Variants in FAT2 observed in about 807,000 individuals in gnomAD.
The protein encoded by FAT2 is FAT atypical cadherin 2, also known as protocadherin Fat 2.
In FAT2, 150 loss-of-function variants were observed where a neutral mutation model predicts 295.3. The observed-to-expected ratio is 0.51, with a 90% CI of 0.44 to 0.58. The LOEUF is 0.58. Ranked by LOEUF, FAT2 falls within the 20% of genes least tolerant of loss-of-function variation. The probability of loss-of-function intolerance (pLI) is 0.00; values close to 1 mark genes in which losing one functional copy is unlikely to be tolerated. For synonymous variants in FAT2, 2,026 were observed against 2,150.3 expected, an observed-to-expected ratio of 0.94 and a Z score of 1.60; for missense variants, 4,868 against 5,442.7, an observed-to-expected ratio of 0.89 and a Z score of 3.32.
intron 2 of FAT2, 90 bp downstream of exon 2, chr5:151,565,583 C>CCTTTTTCCTTCAGCCCGCAGGCTGACTT (rs1320802877): frequency 3.0e-6 from 4 of 1,325,242 alleles, no homozygotes; most frequent in Non-Finnish European, 4.1e-6. Flanking sequence ...CAGGCTGACT[C>CCTTTTTCCTTCAGCCCGCAGGCTGACTT]CTTTTTCCTT....
chr5:151,540,840 T>C (rs1756056692), intron 10 of FAT2, 77 bp from the exon 11 acceptor site: 3 of 1,316,636 alleles, frequency 2.3e-6, no homozygotes, highest in East Asian at 2.4e-5. Context: ...TGGCTGCCCA[T>C]TGGATGCATT....
At position 151,537,798 on chromosome 5, in the gene FAT2, T is replaced by C; in HGVS notation, c.9188A>G (p.His3063Arg). Residue 3063 changes from histidine (H) to arginine (R), a missense_variant, in exon 12 of 24, where the codon CAT becomes CGT. Around this residue, in one of 5 missense-constraint regions of FAT2, gnomAD observed 1,046 missense variants for 1,210.1 expected, o/e 0.86. Transcript: ENST00000261800. Reference protein sequence around the residue: ...PGAHEFKLDPHTGELTTLTAL... With the variant: ...PGAHEFKLDPRTGELTTLTAL... ...CTGCAGCTCAGGAAACCCACCTGTA[T>C]GAGGATCCAGCTTGAATTCATGCGC... 3 of 1,610,192 alleles carry C rather than the reference T, an allele frequency of 1.9e-6. No homozygotes were observed. The highest frequency in any genetic ancestry group is 1.1e-5 in the South Asian group (1 of 90,430).
At chr5:151,585,473 G>A (rs764673868) in intron 1 of FAT2, among the ~76,000 whole-genome samples, 15 of 152,218 alleles carry the variant, frequency 9.9e-5, no homozygotes, top group Non-Finnish European at 1.8e-4. Flanking sequence ...TTAGCTGGGC[G>A]TGGTGGCACA....
At chr5:151,517,844 T>A in intron 19 of FAT2, 79 bp from the exon 20 acceptor site, 1 of 1,533,298 alleles carries the variant, frequency 6.5e-7, no homozygotes. Flanking sequence ...TCTTATTTAA[T>A]CCTTGGGTGG....
In FAT2 at chr5:151,531,710, C is replaced by T. The variant is rs1300717825; in HGVS notation, c.9688G>A (p.Asp3230Asn). ...AGCACCTCCGTGCCAGGTGGGGCGT[C>T]CTCGGGCACCTGCACGCTGTGCTCG... ...NTEHSVQVPE[D>N]APPGTEVLQL... Residue 3230 changes from aspartate to asparagine, a missense_variant, in exon 14 of 24, where the codon GAC (aspartate) becomes AAC (asparagine). By Grantham distance (23) the Asp-to-Asn change is conservative. Transcript: ENST00000261800. This position sits in a 1 kb window ranked among gnomAD's most constrained non-coding sequence, Gnocchi z 5.7. The T allele has an allele frequency of 1.9e-6, 3 of 1,613,890 alleles. No individual in the cohort carries two copies. Among genetic ancestry groups the T allele is most frequent in the South Asian group, 2.2e-5 (2 of 91,060 alleles).
intron 10 of FAT2, 98 bp from the exon 11 acceptor site, chr5:151,540,861 G>T (rs536633487): frequency 7.8e-5 from 88 of 1,121,658 alleles, no homozygotes; most frequent in Non-Finnish European, 1.1e-4. Flanking sequence ...TTTTAGAATT[G>T]TTGGGAAAGC....
chr5:151,505,603 C>G lies in FAT2; in HGVS notation c.13012G>C (p.Glu4338Gln), dbSNP rs552666873. 5 of 1,614,218 alleles carry G rather than the reference C, an allele frequency of 3.1e-6. No homozygotes were observed. The Admixed American group carries it at 6.7e-5, about 22-fold the overall frequency. The change falls in exon 24 of 24, where the codon GAG becomes CAG. Residue 4338 changes from glutamate to glutamine, a missense_variant. Physicochemically the swap from Glu to Gln is conservative, Grantham distance 29 (BLOSUM62 2). Transcript: ENST00000261800. ...PPNYEGSDMV[E>Q]SDYGSCEEVM... ...TCCTCACAGCTGCCATAATCACTCTCCACCATGTCAGAGCCCTCATAGTTG... is the reference window on the plus strand; with the variant it reads ...TCCTCACAGCTGCCATAATCACTCTGCACCATGTCAGAGCCCTCATAGTTG...
In FAT2 at chr5:151,544,493, G is replaced by C. The variant is rs150074220; in HGVS notation, c.6634C>G (p.Pro2212Ala). 2 of 1,613,938 alleles carry C rather than the reference G, an allele frequency of 1.2e-6. No homozygotes were observed. The highest frequency in any genetic ancestry group is 1.7e-6 in the Non-Finnish European group (2 of 1,180,034). ...AAGTCAGTGGTGAACAGCATCAAGGGTTCTTCCTCCACAATGTTGTAGATG... is the reference window on the plus strand; with the variant it reads ...AAGTCAGTGGTGAACAGCATCAAGGCTTCTTCCTCCACAATGTTGTAGATG... Reference protein sequence around the residue: ...RLIYNIVEEEPLMLFTTDFKT... With the variant: ...RLIYNIVEEEALMLFTTDFKT... The change falls in exon 10 of 24, where the codon CCC (proline) becomes GCC (alanine). Residue 2212 changes from proline (P) to alanine (A), a missense_variant. By Grantham distance (27) the Pro-to-Ala change is conservative (BLOSUM62 -1). This residue lies in a region of FAT2 where 3,297 missense variants were observed against 3,669.4 expected (regional missense o/e 0.90). Transcript: ENST00000261800.
intron 4 of FAT2, among the ~76,000 whole-genome samples, chr5:151,554,885 G>A (rs548383384): frequency 6.6e-6 from 1 of 152,360 alleles, no homozygotes; most frequent in South Asian, 2.1e-4. Flanking sequence ...AGAACTGGAA[G>A]AAGACAGAGT....
Position 151,531,493 on chromosome 5 carries a change from G to A in FAT2, c.9811+94C>T, listed in dbSNP as rs937076121. 1.1e-5 allele frequency: 16 copies of A among 1,511,190 alleles called. No homozygotes were observed. The highest frequency in any genetic ancestry group is 2.3e-5 in the East Asian group (1 of 43,362). 93.6% of individuals were successfully genotyped at this position (1,511,190 alleles called of 1,614,324 possible). On this transcript the variant is annotated intron_variant, in intron 14 of 23. Coordinates refer to ENST00000261800, the MANE Select transcript of FAT2 (RefSeq NM_001447.3). This position sits in a 1 kb window ranked among gnomAD's most constrained non-coding sequence, Gnocchi z 5.7. Reference sequence around the variant, plus strand: ...CCAGAGGAGGTCTGCTCTGGGAGGCGCTGCACAGGGTAGATACCCACACAG... The same window carrying A: ...CCAGAGGAGGTCTGCTCTGGGAGGCACTGCACAGGGTAGATACCCACACAG...
chr5:151,512,468 C>A lies in FAT2; in HGVS notation c.11602G>T (p.Val3868Phe), dbSNP rs2127570758. The change falls in exon 21 of 24, where the codon GTT becomes TTT. Residue 3868 changes from valine (V) to phenylalanine (F), a missense_variant. Around this residue, in one of 5 missense-constraint regions of FAT2, gnomAD observed 1,046 missense variants for 1,210.1 expected, o/e 0.86. Transcript: ENST00000261800. The surrounding 1 kb of genome is among the most constrained non-coding windows in gnomAD (Gnocchi z 4.1). ...EEMDASIRLM[V>F]DSMGNTSLVV... ...AGGGAGGTGTTGCCCATGCTGTCAACCATCAGGCGAATGGAAGCGTCCATC... is the reference window on the plus strand; with the variant it reads ...AGGGAGGTGTTGCCCATGCTGTCAAACATCAGGCGAATGGAAGCGTCCATC... 1.2e-6 allele frequency: 2 copies of A among 1,614,212 alleles called. No individual in the cohort carries two copies.
In FAT2 at chr5:151,542,514, A is replaced by G. The variant is rs757867012; in HGVS notation, c.8613T>C (p.Tyr2871=). The G allele has an allele frequency of 2.3e-5, 37 of 1,614,156 alleles. No individual in the cohort carries two copies. In the South Asian group the frequency reaches 3.5e-4, roughly 15 times the overall value. ...GGTCATAGGCCACCACATGAAAATGATAAGTCTGGCAGGTCTCACAGTCAA... is the reference window on the plus strand; with the variant it reads ...GGTCATAGGCCACCACATGAAAATGGTAAGTCTGGCAGGTCTCACAGTCAA... ...QELDCETCQT[Y]HFHVVAYDHG... The change falls in exon 10 of 24, where the codon TAT becomes TAC. Residue 2871 remains tyrosine (Y), a synonymous_variant. Coordinates refer to ENST00000261800, the MANE Select transcript of FAT2 (RefSeq NM_001447.3).
At position 151,531,456 on chromosome 5, in the gene FAT2, A is replaced by T; in HGVS notation, c.9811+131T>A. On this transcript the variant is annotated intron_variant, in intron 14 of 23. Transcript: ENST00000261800. The surrounding 1 kb of genome is among the most constrained non-coding windows in gnomAD (Gnocchi z 5.7). ...GGTACTCGGAGAGAAGCAGAAGAGA[A>T]TGGAGAAACGACCAGAGGAGGTCTG... is the stretch of plus-strand genomic sequence containing the variant. The T allele has an allele frequency of 1.6e-6, 2 of 1,249,628 alleles. No homozygotes were observed. The highest frequency in any genetic ancestry group is 2.2e-6 in the Non-Finnish European group (2 of 908,576). The allele number at this position is 1,249,628 out of a possible 1,614,324, so 77.4% of individuals were successfully genotyped here. A position where few individuals can be genotyped will look rare whatever the true frequency, so the allele number is the denominator to read the frequency against.
intron 1 of FAT2, among the ~76,000 whole-genome samples, chr5:151,590,801 C>T (rs1759368726): frequency 6.6e-6 from 1 of 152,224 alleles, no homozygotes; most frequent in Non-Finnish European, 1.5e-5. Flanking sequence ...CCTCCATGTC[C>T]TCTTAAAGGC....
intron 16 of FAT2, 94 bp downstream of exon 16, chr5:151,527,902 A>G (rs1272777362): frequency 2.0e-6 from 3 of 1,494,108 alleles, no homozygotes; most frequent in African/African-American, 1.4e-5. Flanking sequence ...AAGTTTCAGG[A>G]TGGGGTCTTG....
At chr5:151,537,684 G>T in intron 12 of FAT2, 109 bp downstream of exon 12, 1 of 1,100,490 alleles carries the variant, frequency 9.1e-7, no homozygotes, top group Non-Finnish European at 1.3e-6. Context: ...TATGTTTGCT[G>T]ATAGATGAGT....
rs146619612 is a variant in FAT2 at position 151,566,402 on chromosome 5, T to C, written c.2530A>G (p.Thr844Ala). 1.5e-4 allele frequency: 250 copies of C among 1,613,772 alleles called. No homozygotes were observed. The highest frequency in any genetic ancestry group is 2.0e-4 in the Non-Finnish European group (239 of 1,179,912). The stretch of plus-strand genomic sequence containing the variant: ...TTGTCTTCCGAGTCAGCATCTTTGG[T>C]TGTCAGCTCTGCAATTGTGGTTCCA... The part of the protein sequence containing the change: ...EVGTTIAELT[T>A]KDADSEDNGR... Residue 844 changes from threonine (T) to alanine (A), a missense_variant, in exon 2 of 24, where the codon ACC (threonine) becomes GCC (alanine). Physicochemically the swap from Thr to Ala is moderately conservative, Grantham distance 58. Coordinates refer to ENST00000261800, the MANE Select transcript of FAT2 (RefSeq NM_001447.3).
At chr5:151,517,528 G>T in intron 20 of FAT2, 92 bp downstream of exon 20, 1 of 1,489,770 alleles carries the variant, frequency 6.7e-7, no homozygotes, top group Non-Finnish European at 9.2e-7. Context: ...TTCTTTGGCA[G>T]AAATGGGCTT....
Position 151,542,529 on chromosome 5 carries a change from C to T in FAT2, c.8598G>A (p.Glu2866=), listed in dbSNP as rs755608636. ...WITTLQELDC[E]TCQTYHFHVV... is the part of the protein sequence containing the mutation. ...CATGAAAATGATAAGTCTGGCAGGT[C>T]TCACAGTCAAGTTCCTGGAGTGTGG... The change falls in exon 10 of 24, where the codon GAG becomes GAA. Residue 2866 remains glutamate (E), a synonymous_variant. Coordinates refer to ENST00000261800, the MANE Select transcript of FAT2 (RefSeq NM_001447.3). 1 of 1,614,184 alleles carries T rather than the reference C, an allele frequency of 6.2e-7. No homozygotes were observed. The highest frequency in any genetic ancestry group is 1.3e-5 in the African/African-American group (1 of 75,032).
Sources: gnomAD v4.1 joint callset for allele counts (sites outside exome capture counted in the v4.1 genomes callset) on GRCh38, gnomAD v4.1.1 for gene constraint, gnomAD v4.1.1 regional missense constraint, Gnocchi (gnomAD v3.1) non-coding constraint, MANE v1.5 for transcripts, NCBI Gene and HGNC (gene_info 2026-07-23, HGNC 2026-07-21) for gene names.